GDA: variants seen among roughly 807,000 people sequenced by gnomAD.
GDA encodes cytoplasmic PSD-95 interactor.
In GDA, 18 loss-of-function variants were observed where a neutral mutation model predicts 59.6. That is an observed-to-expected ratio of 0.30 (90% CI 0.21 to 0.45). GDA has a LOEUF of 0.45. Among genes scored for constraint, GDA ranks in the 20% least tolerant of loss-of-function variants. GDA has a pLI of 1.00. For missense variants in GDA, 427 were observed against 552.3 expected (o/e 0.77, Z 2.27); for synonymous variants, 201 against 201.1 (o/e 1.00, Z 0.00).
intron 1 of GDA, among the ~76,000 whole-genome samples, chr9:72,158,708 T>C (rs894287753): frequency 1.3e-5 from 2 of 152,200 alleles, no homozygotes; most frequent in African/African-American, 2.4e-5. Context: ...TTGCCTTTGA[T>C]TATACTTAGC....
intron 2 of GDA, among the ~76,000 whole-genome samples, chr9:72,200,243 G>T (rs1047557495): frequency 2.0e-5 from 3 of 151,346 alleles, no homozygotes; most frequent in Non-Finnish European, 4.4e-5. Context: ...TGATCTGCCC[G>T]CCTTGGCCTC....
At position 72,248,497 on chromosome 9, in the gene GDA, C is replaced by G; in HGVS notation, c.*155C>G. ...TACAGTATTCACTTGACAAATAGTT[C>G]GAAGGAAGTTGCACTAATTCTCAAC... is the stretch of plus-strand genomic sequence containing the variant. On this transcript the variant is annotated 3_prime_UTR_variant, in exon 14 of 14. Coordinates refer to ENST00000358399, the MANE Select transcript of GDA (RefSeq NM_004293.5). 2.1e-6 allele frequency: 3 copies of G among 1,432,906 alleles called. No homozygotes were observed. Among genetic ancestry groups the G allele is most frequent in the Non-Finnish European group, 2.7e-6 (3 of 1,091,110 alleles). 88.8% of individuals were successfully genotyped at this position (1,432,906 alleles called of 1,614,324 possible). A position where few individuals can be genotyped will look rare whatever the true frequency, so the allele number is the denominator to read the frequency against.
chr9:72,171,968 A>G (rs1056735514), intron 1 of GDA, among the ~76,000 whole-genome samples: 18 of 152,208 alleles, frequency 1.2e-4, no homozygotes, highest in African/African-American at 4.3e-4. Flanking sequence ...GCGATTAAGT[A>G]ACAGGTTGCC....
At chr9:72,176,479 C>A (rs780985810) in intron 1 of GDA, among the ~76,000 whole-genome samples, 90 of 152,174 alleles carry the variant, frequency 5.9e-4, no homozygotes, top group Non-Finnish European at 1.1e-3. Flanking sequence ...TTTTAGAACA[C>A]CACATGGGTG....
chr9:72,150,133 A>G (rs1312098831), intron 1 of GDA, among the ~76,000 whole-genome samples: 1 of 152,172 alleles, frequency 6.6e-6, no homozygotes, highest in East Asian at 1.9e-4. Context: ...GGGTCATTTG[A>G]TTGATGTTGT....
At position 72,121,552 on chromosome 9, in the gene GDA, G is replaced by A. The variant is rs144172427; in HGVS notation, c.-100+6719G>A. 3.4e-4 allele frequency among the ~76,000 whole-genome samples: 52 copies of A among 152,244 alleles called. 1 individual carries two copies. The highest frequency in any genetic ancestry group is 1.4e-3 in the East Asian group (7 of 5,164). ...GCGGAGGTTGCAGTGAGCTGAGATCGCGCCATTGCACTCCAGCCTGGGTGA... is the reference window on the plus strand; with the variant it reads ...GCGGAGGTTGCAGTGAGCTGAGATCACGCCATTGCACTCCAGCCTGGGTGA... On this transcript the variant is annotated intron_variant, in intron 1 of 13. Coordinates refer to the GDA transcript ENST00000545168.
intron 11 of GDA, among the ~76,000 whole-genome samples, chr9:72,244,029 T>C (rs142916855): frequency 0.017 from 2,525 of 151,904 alleles, 60 homozygotes; most frequent in African/African-American, 0.057. Context: ...CACAAAAAAT[T>C]AGCCGGGCGT....
At chr9:72,210,054 C>T (rs1185287842) in intron 3 of GDA, among the ~76,000 whole-genome samples, 2 of 152,124 alleles carry the variant, frequency 1.3e-5, no homozygotes, top group African/African-American at 4.8e-5. Context: ...AGGTTCCTGC[C>T]AGGGTTTAAT....
chr9:72,146,707 G>T (rs372439687), upstream of GDA, among the ~76,000 whole-genome samples: 186 of 152,280 alleles, frequency 1.2e-3, no homozygotes, highest in African/African-American at 4.2e-3. Context: ...GACTAGGCTG[G>T]TCTCGAACTC....
At chr9:72,168,261 A>G (rs969534503) in intron 1 of GDA, among the ~76,000 whole-genome samples, 1 of 152,006 alleles carries the variant, frequency 6.6e-6, no homozygotes, top group African/African-American at 2.4e-5. Flanking sequence ...CGAGCTGGGC[A>G]TAGTGGTGCG....
At chr9:72,197,274 C>T (rs1833309727) in intron 2 of GDA, among the ~76,000 whole-genome samples, 1 of 152,174 alleles carries the variant, frequency 6.6e-6, no homozygotes, top group Admixed American at 6.5e-5. Flanking sequence ...TACTCACATC[C>T]CTTGCCTCCT....
chr9:72,140,176 C>T (rs1362264721), intron 1 of GDA, among the ~76,000 whole-genome samples: 2 of 152,190 alleles, frequency 1.3e-5, no homozygotes, highest in African/African-American at 2.4e-5. Flanking sequence ...GTTGTTAGGG[C>T]TGGGCATATC....
Position 72,248,582 on chromosome 9 carries a change from T to C in GDA, c.*240T>C, listed in dbSNP as rs1361180441. 3 of 1,281,834 alleles carry C rather than the reference T, an allele frequency of 2.3e-6. No homozygotes were observed. The highest frequency in any genetic ancestry group is 2.0e-6 in the Non-Finnish European group (2 of 1,012,996). 79.4% of individuals were successfully genotyped at this position (1,281,834 alleles called of 1,614,324 possible). A position where few individuals can be genotyped will look rare whatever the true frequency, so the allele number is the denominator to read the frequency against. ...ATCTCCCTTTGGAGCTGCTCAGACTTACTTTAAGCTCAAACAGAAGGGAAT... is the reference window on the plus strand; with the variant it reads ...ATCTCCCTTTGGAGCTGCTCAGACTCACTTTAAGCTCAAACAGAAGGGAAT... On this transcript the variant is annotated 3_prime_UTR_variant, in exon 14 of 14. Coordinates refer to ENST00000358399, the MANE Select transcript of GDA (RefSeq NM_004293.5).
intron 1 of GDA, among the ~76,000 whole-genome samples, chr9:72,191,086 A>G (rs1044078651): frequency 2.6e-5 from 4 of 152,246 alleles, no homozygotes; most frequent in East Asian, 3.8e-4. Context: ...AAATTTACAT[A>G]TTAATCAATC....
chr9:72,160,993 G>A lies in GDA; in HGVS notation c.123+11311G>A, dbSNP rs1179024607. On this transcript the variant is annotated intron_variant, in intron 1 of 13. Transcript: ENST00000358399. ...ACAATCTTGGCTCACTGCAATCTCC[G>A]CTTCCCAAGTTCAAGCAATTCTCCA... Among the ~76,000 whole-genome samples, 6 of 151,858 alleles carry A rather than the reference G, an allele frequency of 4.0e-5. No homozygotes were observed. The East Asian group carries it at 7.7e-4, about 20-fold the overall frequency.
intron 1 of GDA, among the ~76,000 whole-genome samples, chr9:72,167,348 C>T (rs1587441628): frequency 6.6e-6 from 1 of 152,134 alleles, no homozygotes; most frequent in Non-Finnish European, 1.5e-5. Context: ...GATCTCCCAT[C>T]TCCTTAGCTG....
At chr9:72,208,115 TAAC>T (rs71493642) in intron 3 of GDA, among the ~76,000 whole-genome samples, 45,627 of 151,530 alleles carry the variant, frequency 0.3, 7,208 homozygotes, top group East Asian at 0.52. Flanking sequence ...AAACCCAAAA[TAAC>T]AACAACAACA....
chr9:72,174,596 A>G (rs1830340419), intron 1 of GDA, among the ~76,000 whole-genome samples: 1 of 152,102 alleles, frequency 6.6e-6, no homozygotes, highest in Admixed American at 6.6e-5. Flanking sequence ...TGCTATGAGG[A>G]TCGTTAATTG....
chr9:72,214,721 C>CT (rs746360588), intron 5 of GDA: 13,768 of 284,446 alleles, frequency 0.048, no homozygotes, highest in South Asian at 0.083. Flanking sequence ...ATTCAAAGTT[C>CT]TTTTTTTTTT....
Sources: allele counts gnomAD v4.1 joint callset (sites outside exome capture counted in the v4.1 genomes callset), GRCh38; gene constraint gnomAD v4.1.1; transcripts MANE v1.5; gene names NCBI Gene and HGNC (gene_info 2026-07-23, HGNC 2026-07-21).